Variants in QKI observed in about 807,000 individuals in gnomAD.
QKI encodes the protein QKI, KH domain containing RNA binding, also known as KH domain-containing RNA-binding protein QKI.
A neutral mutation model predicts 39.0 loss-of-function variants in QKI; 10 were observed. The observed-to-expected ratio is 0.26, with a 90% CI of 0.16 to 0.43. The LOEUF (loss-of-function observed/expected upper bound fraction) is 0.43. Among genes scored for constraint, QKI ranks in the 20% least tolerant of loss-of-function variants. QKI has a pLI of 1.00. For missense variants in QKI, 218 were observed against 428.0 expected (o/e 0.51, Z 4.33); for synonymous variants, 204 against 155.4 (o/e 1.31, Z -2.33).
At chr6:163,489,422 T>G (rs1777908259) in intron 3 of QKI, among the ~76,000 whole-genome samples, 1 of 72,248 alleles carries the variant, frequency 1.4e-5, no homozygotes, top group Admixed American at 1.8e-4. Flanking sequence ...AAAGAAGTTA[T>G]GCTGTGTGTG....
chr6:163,488,338 AGAG>A (rs975621907), intron 3 of QKI, among the ~76,000 whole-genome samples: 1 of 150,878 alleles, frequency 6.6e-6, no homozygotes, highest in Non-Finnish European at 1.5e-5. Context: ...ACAAAAAAAA[AGAG>A]AGAGAGAGAG....
chr6:163,555,546 GA>G (rs887835695), intron 4 of QKI, among the ~76,000 whole-genome samples: 13 of 145,392 alleles, frequency 8.9e-5, no homozygotes, highest in African/African-American at 3.3e-4. Flanking sequence ...CACTCTGAGA[GA>G]AAACGATGAT....
At chr6:163,487,184 T>G (rs1777736282) in intron 3 of QKI, among the ~76,000 whole-genome samples, 1 of 152,042 alleles carries the variant, frequency 6.6e-6, no homozygotes, top group Non-Finnish European at 1.5e-5. Flanking sequence ...GATATAGTTT[T>G]TTTTTTTTAC....
intron 3 of QKI, among the ~76,000 whole-genome samples, chr6:163,515,514 G>T (rs1354607089): frequency 6.6e-6 from 1 of 152,088 alleles, no homozygotes; most frequent in Non-Finnish European, 1.5e-5. Context: ...GTGGTTCTTT[G>T]TGTAGCAGAA....
intron 3 of QKI, among the ~76,000 whole-genome samples, chr6:163,523,118 A>G (rs1780261796): frequency 1.3e-5 from 2 of 151,796 alleles, no homozygotes; most frequent in East Asian, 1.9e-4. Flanking sequence ...ATCCTTCAGC[A>G]TAATTCTTAC....
At chr6:163,556,064 G>A (rs1164318139) in intron 4 of QKI, among the ~76,000 whole-genome samples, 1 of 152,180 alleles carries the variant, frequency 6.6e-6, no homozygotes, top group Admixed American at 6.5e-5. Context: ...CCCTGCCTGA[G>A]CCTCAGGGAT....
intron 3 of QKI, among the ~76,000 whole-genome samples, chr6:163,530,801 A>G (rs10484574): frequency 0.039 from 5,907 of 152,140 alleles, 393 homozygotes; most frequent in African/African-American, 0.14. Context: ...CAATTGCTAC[A>G]TTGTTTGATT....
rs189654911 is a variant in QKI at position 163,577,202 on chromosome 6, A to G, written c.*6492A>G. ...TTTCTTATTTATATCATCTCCAAGT[A>G]CCTCTGGCTCCTTTCCTCTTGCTCA... On this transcript the variant is annotated 3_prime_UTR_variant, in exon 8 of 8. Transcript: ENST00000361752. 6.6e-6 allele frequency: 1 copy of G among 152,136 alleles called. No individual in the cohort carries two copies. The highest frequency in any genetic ancestry group is 1.5e-5 in the Non-Finnish European group (1 of 67,988). The allele number at this position is 152,136 out of a possible 1,614,324, so 9.4% of individuals were successfully genotyped here. A position where few individuals can be genotyped will look rare whatever the true frequency, so the allele number is the denominator to read the frequency against.
In QKI at chr6:163,425,870, T is replaced by G. The variant is rs538516728; in HGVS notation, c.142+10535T>G. Among the ~76,000 whole-genome samples, 32 of 152,322 alleles carry G rather than the reference T, an allele frequency of 2.1e-4. No homozygotes were observed. In the South Asian group the frequency reaches 5.6e-3, roughly 27 times the overall value. On this transcript the variant is annotated intron_variant, in intron 1 of 7. Transcript: ENST00000361752. ...GAGAAAATCTTAGGAATTCTTGAAT[T>G]AATTTGCCTTGAAGAAAATTTTGTC...
chr6:163,491,380 C>T (rs1284057200), intron 3 of QKI, among the ~76,000 whole-genome samples: 1 of 152,150 alleles, frequency 6.6e-6, no homozygotes, highest in Non-Finnish European at 1.5e-5. Context: ...GGTTTAAATG[C>T]CAACTGTGAC....
intron 3 of QKI, among the ~76,000 whole-genome samples, chr6:163,499,756 A>C (rs1196442450): frequency 2.0e-5 from 3 of 152,134 alleles, no homozygotes; most frequent in African/African-American, 7.2e-5. Flanking sequence ...AAGTTTGTTA[A>C]ATAGTTTAGT....
chr6:163,503,137 A>C (rs1469598954), intron 3 of QKI, among the ~76,000 whole-genome samples: 1 of 100,034 alleles, frequency 1.0e-5, no homozygotes, highest in African/African-American at 3.6e-5. Flanking sequence ...GGCCCCTTGT[A>C]TTTTTTTTTT....
chr6:163,444,741 A>G (rs1186782420), intron 1 of QKI, among the ~76,000 whole-genome samples: 1 of 152,192 alleles, frequency 6.6e-6, no homozygotes, highest in Non-Finnish European at 1.5e-5. Flanking sequence ...AATATGTATA[A>G]TTAAAATTTT....
At position 163,555,765 on chromosome 6, in the gene QKI, T is replaced by C. The variant is rs561580722; in HGVS notation, c.547-6217T>C. Reference sequence around the variant, plus strand: ...GCAGTGGTTCGAATTATTTTTTTAGTTGACATAGTTTTAATGATTTGGAAA... The same window carrying C: ...GCAGTGGTTCGAATTATTTTTTTAGCTGACATAGTTTTAATGATTTGGAAA... On this transcript the variant is annotated intron_variant, in intron 4 of 7. Coordinates refer to ENST00000361752, the MANE Select transcript of QKI (RefSeq NM_006775.3). Among the ~76,000 whole-genome samples the C allele has an allele frequency of 5.3e-5, 8 of 152,324 alleles. No individual in the cohort carries two copies. In the South Asian group the frequency reaches 1.7e-3, roughly 32 times the overall value.
chr6:163,487,370 A>G (rs1180149641), intron 3 of QKI, among the ~76,000 whole-genome samples: 1 of 152,176 alleles, frequency 6.6e-6, no homozygotes, highest in Non-Finnish European at 1.5e-5. Flanking sequence ...ATTCAGACAT[A>G]TAATTTCAAC....
chr6:163,500,267 C>G (rs1778677745), intron 3 of QKI, among the ~76,000 whole-genome samples: 1 of 152,084 alleles, frequency 6.6e-6, no homozygotes, highest in African/African-American at 2.4e-5. Flanking sequence ...CAAGAGTTGT[C>G]TTTAGCAATT....
intron 1 of QKI, chr6:163,416,555 G>A (rs182593776): frequency 6.6e-6 from 1 of 152,224 alleles, no homozygotes; most frequent in Non-Finnish European, 1.5e-5. Flanking sequence ...TAGAGTCGGG[G>A]AACAGGAGTT....
At chr6:163,567,665 T>C (rs1783445985) in intron 7 of QKI, 1 of 985,122 alleles carries the variant, frequency 1.0e-6, no homozygotes, top group South Asian at 4.7e-5. Flanking sequence ...TTCGGTTTAT[T>C]GACATTGAAT....
chr6:163,554,801 C>A (rs1052298223), intron 4 of QKI, among the ~76,000 whole-genome samples: 4 of 152,208 alleles, frequency 2.6e-5, no homozygotes, highest in Admixed American at 2.6e-4. Context: ...ACAACCTCTA[C>A]CCCAGTCCAG....
Sources: allele counts gnomAD v4.1 joint callset (sites outside exome capture counted in the v4.1 genomes callset), GRCh38; gene constraint gnomAD v4.1.1; transcripts MANE v1.5; gene names NCBI Gene and HGNC (gene_info 2026-07-23, HGNC 2026-07-21).